MAS1: variants seen among roughly 807,000 people sequenced by gnomAD.
The protein encoded by MAS1 is proto-oncogene Mas.
For synonymous variants in MAS1, 163 were observed against 164.2 expected (o/e 0.99, Z 0.05); for missense variants, 387 against 409.7 (o/e 0.94, Z 0.48).
chr6:159,906,752 G>T, intron 2 of MAS1, 168 bp from the exon 3 acceptor site: 1 of 555,090 alleles, frequency 1.8e-6, no homozygotes, highest in Non-Finnish European at 3.1e-6. Flanking sequence ...TTTCTTATCA[G>T]GTCCTAAAGG....
rs1782983025 is a variant in MAS1 at position 159,913,049 on chromosome 6, A to C, written c.*5116A>C. The stretch of plus-strand genomic sequence containing the variant: ...AATTACCCACTTTTTGATGTTCAGC[A>C]AAAGTAACCATTAAGTAAAGACAGA... On this transcript the variant is annotated 3_prime_UTR_variant, in exon 3 of 3. Coordinates refer to ENST00000674077, the MANE Select transcript of MAS1 (RefSeq NM_002377.4). 1 of 152,212 alleles carries C rather than the reference A, an allele frequency of 6.6e-6. No homozygotes were observed. Among genetic ancestry groups the C allele is most frequent in the Non-Finnish European group, 1.5e-5 (1 of 68,034 alleles). 9.4% of individuals were successfully genotyped at this position (152,212 alleles called of 1,614,324 possible).
In MAS1 at chr6:159,912,171, TC is replaced by T; in HGVS notation, c.*4239del. The T allele has an allele frequency of 6.6e-6, 1 of 152,378 alleles. No individual in the cohort carries two copies. The highest frequency in any genetic ancestry group is 2.1e-4 in the South Asian group (1 of 4,830). 9.4% of individuals were successfully genotyped at this position (152,378 alleles called of 1,614,324 possible). ...GAGAGCCACCAGCAGCCATCCCCTC[TC>T]TTTGTGCCTCACAGCTCCAGTGACT... On this transcript the variant is annotated 3_prime_UTR_variant, in exon 3 of 3. Transcript: ENST00000674077.
chr6:159,892,070 C>G (rs374381674), intron 1 of MAS1, among the ~76,000 whole-genome samples: 17 of 152,294 alleles, frequency 1.1e-4, no homozygotes, highest in African/African-American at 3.6e-4. Context: ...ACCTTCCCCC[C>G]TTTTAGACCA....
At chr6:159,902,301 A>G (rs1485148373) in intron 2 of MAS1, 1 of 152,118 alleles carries the variant, frequency 6.6e-6, no homozygotes, top group Non-Finnish European at 1.5e-5. Context: ...TGCATAAGCG[A>G]CTTTGGTTTT....
At chr6:159,891,911 T>C (rs574365501) in intron 1 of MAS1, among the ~76,000 whole-genome samples, 1 of 152,156 alleles carries the variant, frequency 6.6e-6, no homozygotes, top group Non-Finnish European at 1.5e-5. Context: ...GGCTGGGTAA[T>C]TCTTTGCCGT....
Position 159,916,064 on chromosome 6 carries a change from G to T in MAS1, c.*8131G>T, listed in dbSNP as rs996431933. 1 of 152,298 alleles carries T rather than the reference G, an allele frequency of 6.6e-6. No homozygotes were observed. Among genetic ancestry groups the T allele is most frequent in the East Asian group, 1.9e-4 (1 of 5,202 alleles). 9.4% of individuals were successfully genotyped at this position (152,298 alleles called of 1,614,324 possible). On this transcript the variant is annotated 3_prime_UTR_variant, in exon 3 of 3. Coordinates refer to ENST00000674077, the MANE Select transcript of MAS1 (RefSeq NM_002377.4). The stretch of plus-strand genomic sequence containing the variant: ...GATCTACCTGCAAGTGACTACAGGG[G>T]TGGCTTCAGGGCTGACCAATGGCAT...
rs1445272467 is a variant in MAS1 at position 159,898,379 on chromosome 6, G to A, written c.-243-807G>A. Among the ~76,000 whole-genome samples, 4 of 152,122 alleles carry A rather than the reference G, an allele frequency of 2.6e-5. No individual in the cohort carries two copies. The East Asian group carries it at 5.8e-4, about 22-fold the overall frequency. Reference sequence around the variant, plus strand: ...TCCGGGCTAAGATCAGGCACGCTGGGCCACAGGGCTTCTCAAACTGGTTGT... The same window carrying A: ...TCCGGGCTAAGATCAGGCACGCTGGACCACAGGGCTTCTCAAACTGGTTGT... On this transcript the variant is annotated intron_variant, in intron 1 of 2. Transcript: ENST00000674077.
chr6:159,915,823 G>A lies in MAS1; in HGVS notation c.*7890G>A, dbSNP rs1783015882. The A allele has an allele frequency of 6.6e-6, 1 of 152,412 alleles. No individual in the cohort carries two copies. The highest frequency in any genetic ancestry group is 2.4e-5 in the African/African-American group (1 of 41,462). 9.4% of individuals were successfully genotyped at this position (152,412 alleles called of 1,614,324 possible). A position where few individuals can be genotyped will look rare whatever the true frequency, so the allele number is the denominator to read the frequency against. ...GCAAAGGGTGAGTGAAGGAGAACAA[G>A]GGCCCAGGACAGTGAGGCCCCACCT... On this transcript the variant is annotated 3_prime_UTR_variant, in exon 3 of 3. Transcript: ENST00000674077.
rs1462419610 is a variant in MAS1, at chr6:159,908,677, T to C, written c.*744T>C. 1 of 152,198 alleles carries C rather than the reference T, an allele frequency of 6.6e-6. No homozygotes were observed. Among genetic ancestry groups the C allele is most frequent in the Non-Finnish European group, 1.5e-5 (1 of 68,048 alleles). 9.4% of individuals were successfully genotyped at this position (152,198 alleles called of 1,614,324 possible). ...CTATTGAAAAACATCGCGGATGTTA[T>C]GATCTAACAAGCCATGTGCTAGTGC... On this transcript the variant is annotated 3_prime_UTR_variant, in exon 3 of 3. Coordinates refer to ENST00000674077, the MANE Select transcript of MAS1 (RefSeq NM_002377.4).
Position 159,907,763 on chromosome 6 carries a change from A to C in MAS1, c.808A>C (p.Thr270Pro). Residue 270 changes from threonine to proline, a missense_variant, in exon 3 of 3, where the codon ACA (threonine) becomes CCA (proline). Physicochemically the swap from Thr to Pro is conservative, Grantham distance 38 (BLOSUM62 -1). Coordinates refer to ENST00000674077, the MANE Select transcript of MAS1 (RefSeq NM_002377.4). ...NLHHISLLFSTINSSANPFIY... is the reference protein window; with the variant it reads ...NLHHISLLFSPINSSANPFIY... Reference sequence around the variant, plus strand: ...ACACCACATTTCCCTGCTCTTCTCCACAATCAACAGTAGCGCCAACCCTTT... The same window carrying C: ...ACACCACATTTCCCTGCTCTTCTCCCCAATCAACAGTAGCGCCAACCCTTT... 6.2e-7 allele frequency: 1 copy of C among 1,613,610 alleles called. No homozygotes were observed. The highest frequency in any genetic ancestry group is 8.5e-7 in the Non-Finnish European group (1 of 1,179,940).
In MAS1 at chr6:159,914,365, G is replaced by A. The variant is rs778631677; in HGVS notation, c.*6432G>A. 6 of 152,136 alleles carry A rather than the reference G, an allele frequency of 3.9e-5. No individual in the cohort carries two copies. Among genetic ancestry groups the A allele is most frequent in the African/African-American group, 7.2e-5 (3 of 41,420 alleles). 9.4% of individuals were successfully genotyped at this position (152,136 alleles called of 1,614,324 possible). On this transcript the variant is annotated 3_prime_UTR_variant, in exon 3 of 3. Transcript: ENST00000674077. ...TCTGACAGTTTTTTAAGGGTTCTTG[G>A]TGGTGTCAGAGCTTTGCTACTTAGT...
intron 2 of MAS1, among the ~76,000 whole-genome samples, chr6:159,899,806 G>A (rs1562310297): frequency 6.6e-6 from 1 of 152,174 alleles, no homozygotes; most frequent in Non-Finnish European, 1.5e-5. Context: ...CCAGCACTTT[G>A]GGAGGCCTAG....
At chr6:159,894,802 G>A (rs1313845602) in intron 1 of MAS1, among the ~76,000 whole-genome samples, 1 of 152,216 alleles carries the variant, frequency 6.6e-6, no homozygotes, top group African/African-American at 2.4e-5. Flanking sequence ...GAAGCATGGT[G>A]TCCTTCATCA....
chr6:159,912,951 G>A lies in MAS1; in HGVS notation c.*5018G>A, dbSNP rs973938630. 1.3e-5 allele frequency: 2 copies of A among 152,220 alleles called. No homozygotes were observed. Among genetic ancestry groups the A allele is most frequent in the African/African-American group, 4.8e-5 (2 of 41,446 alleles). The allele number at this position is 152,220 out of a possible 1,614,324, so 9.4% of individuals were successfully genotyped here. On this transcript the variant is annotated 3_prime_UTR_variant, in exon 3 of 3. Transcript: ENST00000674077. ...ATGATGAGATGGGAGCTTCCAAAAAGAAGCGTTTTAATATCAAATGTTGAA... is the reference window on the plus strand; with the variant it reads ...ATGATGAGATGGGAGCTTCCAAAAAAAAGCGTTTTAATATCAAATGTTGAA...
Position 159,917,165 on chromosome 6 carries a change from T to C in MAS1, c.*9232T>C, listed in dbSNP as rs1343065594. Among the ~76,000 whole-genome samples the C allele has an allele frequency of 1.3e-5, 2 of 152,102 alleles. No homozygotes were observed. Among genetic ancestry groups the C allele is most frequent in the African/African-American group, 2.4e-5 (1 of 41,410 alleles). ...GACCTCGGTGGTGGCAAATCTTCCTTGTTTCCTGGTGGATTTAACTTTGCA... is the reference window on the plus strand; with the variant it reads ...GACCTCGGTGGTGGCAAATCTTCCTCGTTTCCTGGTGGATTTAACTTTGCA... On this transcript the variant is annotated 3_prime_UTR_variant, in exon 3 of 3. Coordinates refer to ENST00000674077, the MANE Select transcript of MAS1 (RefSeq NM_002377.4).
chr6:159,890,163 G>A (rs1017454952), upstream of MAS1, among the ~76,000 whole-genome samples: 1 of 152,110 alleles, frequency 6.6e-6, no homozygotes, highest in Non-Finnish European at 1.5e-5. Context: ...AGCCTTTGGG[G>A]CTTCACATTG....
upstream of MAS1, among the ~76,000 whole-genome samples, chr6:159,890,501 C>T (rs1208451871): frequency 2.0e-5 from 3 of 152,184 alleles, no homozygotes; most frequent in Non-Finnish European, 2.9e-5. Context: ...CTACACTGAG[C>T]ATGATACTCT....
Position 159,894,676 on chromosome 6 carries a change from A to G in MAS1, c.-244+3543A>G, listed in dbSNP as rs189070995. ...ATCTTGTCTCACCTGCTTCTAGAGG[A>G]CTTGGCTGAGAGCGCTGCGCTGTTG... On this transcript the variant is annotated intron_variant, in intron 1 of 2. Coordinates refer to ENST00000674077, the MANE Select transcript of MAS1 (RefSeq NM_002377.4). Among the ~76,000 whole-genome samples, 344 of 152,240 alleles carry G rather than the reference A, an allele frequency of 2.3e-3. 2 individuals carry two copies. The highest frequency in any genetic ancestry group is 3.5e-3 in the Non-Finnish European group (238 of 68,004).
At position 159,907,073 on chromosome 6, in the gene MAS1, A is replaced by G; in HGVS notation, c.118A>G (p.Met40Val). 1.2e-6 allele frequency: 2 copies of G among 1,614,198 alleles called. No individual in the cohort carries two copies. Among genetic ancestry groups the G allele is most frequent in the Non-Finnish European group, 1.7e-6 (2 of 1,180,012 alleles). ...AATCCCCATCGTGCACTGGGTCATT[A>G]TGAGCATCTCCCCAGTGGGGTTTGT... ...RQIPIVHWVI[M>V]SISPVGFVEN... Residue 40 changes from methionine to valine, a missense_variant, in exon 3 of 3, where the codon ATG becomes GTG. By Grantham distance (21) the Met-to-Val change is conservative. Transcript: ENST00000674077.
Sources: allele counts gnomAD v4.1 joint callset (sites outside exome capture counted in the v4.1 genomes callset), GRCh38; gene constraint gnomAD v4.1.1; transcripts MANE v1.5; gene names NCBI Gene and HGNC (gene_info 2026-07-23, HGNC 2026-07-21).